UBE2K: variants seen among roughly 807,000 people sequenced by gnomAD.
The protein encoded by UBE2K is ubiquitin-conjugating enzyme E2 K.
UBE2K carries 6 observed loss-of-function variants against 30.0 expected under a neutral mutation model. The observed-to-expected ratio is 0.20, with a 90% confidence interval of 0.11 to 0.39. UBE2K has a LOEUF of 0.39. Among genes scored for constraint, UBE2K ranks in the 10% least tolerant of loss-of-function variants. The pLI, the probability that UBE2K is intolerant of heterozygous loss-of-function variation, is 1.00. For synonymous variants in UBE2K, 86 were observed against 83.7 expected, an observed-to-expected ratio of 1.03 and a Z score of -0.15; for missense variants, 61 against 241.6, an observed-to-expected ratio of 0.25 and a Z score of 4.96.
At chr4:39,774,458 A>T (rs1187719909) in intron 4 of UBE2K, among the ~76,000 whole-genome samples, 1 of 151,612 alleles carries the variant, frequency 6.6e-6, no homozygotes, top group Non-Finnish European at 1.5e-5. Context: ...AAAAAAATAC[A>T]AAAAATTAGC....
chr4:39,729,780 A>G (rs1222243573), intron 1 of UBE2K, among the ~76,000 whole-genome samples: 1 of 152,208 alleles, frequency 6.6e-6, no homozygotes, highest in Non-Finnish European at 1.5e-5. Context: ...TATTGTAGTC[A>G]CATTGGCGGC....
At chr4:39,756,690 A>G (rs1721531974) in intron 4 of UBE2K, among the ~76,000 whole-genome samples, 1 of 152,170 alleles carries the variant, frequency 6.6e-6, no homozygotes, top group Admixed American at 6.5e-5. Context: ...TGACAATGAT[A>G]AAGATGATAG....
chr4:39,722,692 A>T (rs534715435), intron 1 of UBE2K, among the ~76,000 whole-genome samples: 1 of 148,586 alleles, frequency 6.7e-6, no homozygotes, highest in African/African-American at 2.5e-5. Flanking sequence ...TGGGGAGAAC[A>T]TGGCAAGCTC....
At chr4:39,715,884 G>A (rs970865646) in intron 1 of UBE2K, among the ~76,000 whole-genome samples, 1 of 151,792 alleles carries the variant, frequency 6.6e-6, no homozygotes, top group African/African-American at 2.4e-5. Flanking sequence ...TCTGTATTTG[G>A]TTTTTAAAAG....
At chr4:39,740,137 A>G (rs887134643) in intron 2 of UBE2K, among the ~76,000 whole-genome samples, 11 of 152,038 alleles carry the variant, frequency 7.2e-5, no homozygotes, top group African/African-American at 2.7e-4. Context: ...ATAATATACT[A>G]GCTTCTTCTT....
At chr4:39,713,011 A>G (rs146927405) in intron 1 of UBE2K, among the ~76,000 whole-genome samples, 1 of 152,106 alleles carries the variant, frequency 6.6e-6, no homozygotes, top group African/African-American at 2.4e-5. Flanking sequence ...GATTACAGGC[A>G]TGCCCCGCTA....
chr4:39,754,993 GGTTT>G (rs1721454924), intron 3 of UBE2K, among the ~76,000 whole-genome samples: 1 of 152,118 alleles, frequency 6.6e-6, no homozygotes, highest in South Asian at 2.1e-4. Flanking sequence ...TTCACTTGTT[GGTTT>G]GTTATTCTTC....
At position 39,714,548 on chromosome 4, in the gene UBE2K, A is replaced by ATTTTTTTTTTT. The variant is rs1168820129; in HGVS notation, c.63+16159_63+16160insTTTTTTTTTTT. ...TATATATATATATATATATATATAT[A>ATTTTTTTTTTT]TATTTTTTTTTTTTTTTAAGACTGA... On this transcript the variant is annotated intron_variant, in intron 1 of 6. Coordinates refer to ENST00000261427, the MANE Select transcript of UBE2K (RefSeq NM_005339.5). 7.3e-3 allele frequency: 179 copies of ATTTTTTTTTTT among 24,654 alleles called. 6 individuals carry two copies. The highest frequency in any genetic ancestry group is 0.022 in the East Asian group (9 of 402). 1.5% of individuals were successfully genotyped at this position (24,654 alleles called of 1,614,324 possible).
intron 2 of UBE2K, among the ~76,000 whole-genome samples, chr4:39,744,405 C>T (rs1351067200): frequency 1.3e-5 from 2 of 151,076 alleles, no homozygotes. Context: ...ATCTCCTGAC[C>T]TCGTGATCCA....
chr4:39,782,261 T>C lies in UBE2K; in HGVS notation c.*3827T>C. 2 of 318,724 alleles carry C rather than the reference T, an allele frequency of 6.3e-6. No homozygotes were observed. The highest frequency in any genetic ancestry group is 2.1e-5 in the African/African-American group (1 of 47,096). 19.7% of individuals were successfully genotyped at this position (318,724 alleles called of 1,614,324 possible). ...GTGGATAGAAATCATTACACTGTGCTGTTAACGATCCTTGTCTGCTTGCTG... is the reference window on the plus strand; with the variant it reads ...GTGGATAGAAATCATTACACTGTGCCGTTAACGATCCTTGTCTGCTTGCTG... On this transcript the variant is annotated 3_prime_UTR_variant, in exon 7 of 7. Coordinates refer to ENST00000261427, the MANE Select transcript of UBE2K (RefSeq NM_005339.5).
chr4:39,745,155 T>G (rs897630809), intron 2 of UBE2K, among the ~76,000 whole-genome samples: 1 of 152,178 alleles, frequency 6.6e-6, no homozygotes, highest in African/African-American at 2.4e-5. Flanking sequence ...GCATTAGCCA[T>G]GGACCCAGCT....
intron 3 of UBE2K, among the ~76,000 whole-genome samples, chr4:39,751,471 G>A (rs887715856): frequency 9.9e-5 from 15 of 152,076 alleles, no homozygotes; most frequent in African/African-American, 3.1e-4. Flanking sequence ...CCAAGAGTTC[G>A]AGAAAAGCCT....
intron 2 of UBE2K, among the ~76,000 whole-genome samples, chr4:39,740,779 T>C (rs1378999713): frequency 7.5e-6 from 1 of 133,514 alleles, no homozygotes; most frequent in Non-Finnish European, 1.6e-5. Context: ...AGGAGAATGG[T>C]GTGAACCCGG....
chr4:39,753,348 TG>T (rs1041496771), intron 3 of UBE2K, among the ~76,000 whole-genome samples: 1 of 148,694 alleles, frequency 6.7e-6, no homozygotes, highest in Admixed American at 6.7e-5. Flanking sequence ...AGACCTTCTC[TG>T]GGGGGGAAAA....
chr4:39,773,142 CTGTTTCAGAA>C (rs1190129384), intron 4 of UBE2K, among the ~76,000 whole-genome samples: 2 of 151,858 alleles, frequency 1.3e-5, no homozygotes, highest in Non-Finnish European at 2.9e-5. Context: ...AAAACTTGTC[CTGTTTCAGAA>C]TGTTATGGAA....
chr4:39,698,842 C>T (rs1717848296), intron 1 of UBE2K, among the ~76,000 whole-genome samples: 2 of 152,212 alleles, frequency 1.3e-5, no homozygotes, highest in South Asian at 4.2e-4. Flanking sequence ...GGGGTTATTG[C>T]CTGTCAGGCC....
intron 1 of UBE2K, among the ~76,000 whole-genome samples, chr4:39,712,926 C>T (rs113126586): frequency 0.011 from 1,588 of 150,088 alleles, 24 homozygotes; most frequent in African/African-American, 0.035. Flanking sequence ...AGTGCCGTGG[C>T]GCGATCTTGG....
intron 3 of UBE2K, among the ~76,000 whole-genome samples, chr4:39,751,569 C>T (rs985684659): frequency 6.6e-6 from 1 of 152,164 alleles, no homozygotes; most frequent in South Asian, 2.1e-4. Context: ...GTCCCAACTA[C>T]TCAGGAGGCT....
chr4:39,727,078 A>G (rs908706399), intron 1 of UBE2K, among the ~76,000 whole-genome samples: 8 of 152,242 alleles, frequency 5.3e-5, no homozygotes, highest in Admixed American at 1.3e-4. Flanking sequence ...ATGTAATGAC[A>G]CAGTACATGC....
Sources: gnomAD v4.1 joint callset for allele counts (sites outside exome capture counted in the v4.1 genomes callset) on GRCh38, gnomAD v4.1.1 for gene constraint, MANE v1.5 for transcripts, NCBI Gene and HGNC (gene_info 2026-07-23, HGNC 2026-07-21) for gene names.